The following RALYL variants were observed in gnomAD, a reference collection of about 807,000 sequenced individuals.
The protein encoded by RALYL is RNA-binding Raly-like protein.
Under a neutral mutation model 35.1 loss-of-function variants are expected in RALYL, and 29 were observed. The ratio of observed to expected loss-of-function variants is 0.83; its 90% confidence interval spans 0.61 to 1.13. The LOEUF is 1.13. Among genes scored for constraint, RALYL ranks in the 50% most tolerant of loss-of-function variants. RALYL has a pLI of 0.00. For missense variants in RALYL, 359 were observed against 360.4 expected, an observed-to-expected ratio of 1.00 and a Z score of 0.03; for synonymous variants, 120 against 127.6, an observed-to-expected ratio of 0.94 and a Z score of 0.40.
At chr8:84,606,191 C>T (rs1026704081) in intron 2 of RALYL, among the ~76,000 whole-genome samples, 1 of 152,102 alleles carries the variant, frequency 6.6e-6, no homozygotes, top group Non-Finnish European at 1.5e-5. Flanking sequence ...AAGTATCTCC[C>T]CTCAGTTTCT....
intron 1 of RALYL, among the ~76,000 whole-genome samples, chr8:84,430,336 A>T (rs1252371592): frequency 6.6e-6 from 1 of 152,164 alleles, no homozygotes; most frequent in Non-Finnish European, 1.5e-5. Flanking sequence ...TTATTTGAAG[A>T]CAATTGAAGT....
At chr8:84,297,668 C>A (rs528895723) in intron 1 of RALYL, among the ~76,000 whole-genome samples, 1 of 152,136 alleles carries the variant, frequency 6.6e-6, no homozygotes, top group Admixed American at 6.6e-5. Context: ...TTCTAATCAA[C>A]AGTGGATAAG....
chr8:84,421,370 A>G (rs1471955713), intron 1 of RALYL, among the ~76,000 whole-genome samples: 1 of 41,544 alleles, frequency 2.4e-5, no homozygotes. Flanking sequence ...GTGTATAAGA[A>G]TGCTTGTGAT....
At chr8:84,554,493 A>G (rs569110665) in intron 2 of RALYL, among the ~76,000 whole-genome samples, 91 of 152,344 alleles carry the variant, frequency 6.0e-4, no homozygotes, top group Non-Finnish European at 1.1e-3. Context: ...CAAAGAACCA[A>G]AAATATTAAA....
At chr8:84,712,403 C>T (rs1435588071) in intron 2 of RALYL, among the ~76,000 whole-genome samples, 4 of 152,104 alleles carry the variant, frequency 2.6e-5, no homozygotes, top group Non-Finnish European at 1.5e-5. Context: ...CTTTTACAGG[C>T]TCCAGCCTGT....
chr8:84,283,142 A>C (rs749685470), intron 1 of RALYL, among the ~76,000 whole-genome samples: 7 of 152,142 alleles, frequency 4.6e-5, no homozygotes, highest in African/African-American at 4.8e-5. Context: ...TGTGAAACTT[A>C]AGTGATGTAT....
intron 2 of RALYL, among the ~76,000 whole-genome samples, chr8:84,681,479 G>A (rs1835479646): frequency 6.6e-6 from 1 of 152,050 alleles, no homozygotes; most frequent in Non-Finnish European, 1.5e-5. Context: ...CCATGAGCAT[G>A]GAATGCCCTT....
intron 8 of RALYL, among the ~76,000 whole-genome samples, chr8:84,903,104 T>C (rs1845952589): frequency 6.6e-6 from 1 of 152,094 alleles, no homozygotes; most frequent in African/African-American, 2.4e-5. Context: ...AACTTTTATG[T>C]CTTAAAAGTC....
At chr8:84,910,018 G>T (rs1392062122) in intron 8 of RALYL, among the ~76,000 whole-genome samples, 2 of 152,114 alleles carry the variant, frequency 1.3e-5, no homozygotes, top group African/African-American at 4.8e-5. Flanking sequence ...TAGCTAATTA[G>T]ATTTTAATAA....
intron 4 of RALYL, among the ~76,000 whole-genome samples, chr8:84,841,095 A>G (rs1398300017): frequency 6.6e-6 from 1 of 152,236 alleles, no homozygotes; most frequent in East Asian, 1.9e-4. Flanking sequence ...TCATAATGAC[A>G]GGATCAAATT....
intron 2 of RALYL, among the ~76,000 whole-genome samples, chr8:84,740,311 T>C (rs1848048009): frequency 6.6e-6 from 1 of 151,350 alleles, no homozygotes; most frequent in Non-Finnish European, 1.5e-5. Context: ...TGCTGAGAAA[T>C]GAGGAAAAAA....
intron 2 of RALYL, among the ~76,000 whole-genome samples, chr8:84,757,985 A>G (rs558290702): frequency 2.1e-3 from 319 of 152,296 alleles, no homozygotes; most frequent in Non-Finnish European, 2.8e-3. Context: ...GAGAAAAACT[A>G]GAGGTTAATT....
At chr8:84,463,900 T>A (rs899223994) in intron 1 of RALYL, among the ~76,000 whole-genome samples, 9 of 152,078 alleles carry the variant, frequency 5.9e-5, no homozygotes, top group East Asian at 1.9e-4. Context: ...TGTCTCTTTG[T>A]TTTTTATGCC....
intron 1 of RALYL, among the ~76,000 whole-genome samples, chr8:84,440,268 A>G (rs1467263981): frequency 6.6e-6 from 1 of 152,114 alleles, no homozygotes; most frequent in Non-Finnish European, 1.5e-5. Flanking sequence ...GATGTAATTG[A>G]TAATGTTCAC....
chr8:84,190,319 A>C (rs1813559166), intron 1 of RALYL, among the ~76,000 whole-genome samples: 1 of 152,204 alleles, frequency 6.6e-6, no homozygotes. Context: ...AACATAAAAC[A>C]CATATAAGTG....
intron 2 of RALYL, among the ~76,000 whole-genome samples, chr8:84,663,482 C>T (rs1173297823): frequency 6.6e-6 from 1 of 152,148 alleles, no homozygotes; most frequent in South Asian, 2.1e-4. Context: ...TCACCAGCAT[C>T]TGTTGCTTTT....
chr8:84,462,616 T>TTTC (rs2050941155), intron 1 of RALYL, among the ~76,000 whole-genome samples: 1 of 151,012 alleles, frequency 6.6e-6, no homozygotes, highest in Non-Finnish European at 1.5e-5. Context: ...TTTTTTTTTT[T>TTTC]GCATGTGGAT....
intron 1 of RALYL, among the ~76,000 whole-genome samples, chr8:84,256,564 A>G (rs1831243662): frequency 6.6e-6 from 1 of 152,098 alleles, no homozygotes; most frequent in Admixed American, 6.6e-5. Flanking sequence ...TTAAAATAGT[A>G]GGCTCTCATG....
chr8:84,353,162 T>G (rs1279905689), intron 1 of RALYL, among the ~76,000 whole-genome samples: 2 of 150,250 alleles, frequency 1.3e-5, no homozygotes, highest in African/African-American at 5.0e-5. Flanking sequence ...TGTCATTGAT[T>G]CAACATATGT....
Sources: allele counts gnomAD v4.1 joint callset (sites outside exome capture counted in the v4.1 genomes callset), GRCh38; gene constraint gnomAD v4.1.1; transcripts MANE v1.5; gene names NCBI Gene and HGNC (gene_info 2026-07-23, HGNC 2026-07-21).